KIAA1328: variants seen among roughly 807,000 people sequenced by gnomAD.
KIAA1328 encodes the protein protein hinderin.
A neutral mutation model predicts 68.1 loss-of-function variants in KIAA1328; 52 were observed. The observed-to-expected ratio is 0.76, with a 90% CI of 0.61 to 0.96. The LOEUF (loss-of-function observed/expected upper bound fraction) is 0.96. KIAA1328 is among the 40% of genes least tolerant of loss of function. The pLI, the probability that KIAA1328 is intolerant of heterozygous loss-of-function variation, is 0.00. For synonymous variants in KIAA1328, 232 were observed against 239.4 expected (o/e 0.97, Z 0.28); for missense variants, 641 against 677.6 (o/e 0.95, Z 0.60).
At position 36,990,767 on chromosome 18, in the gene KIAA1328, G is replaced by A. The variant is rs139168350; in HGVS notation, c.576+31332G>A. Among the ~76,000 whole-genome samples the A allele has an allele frequency of 7.9e-5, 12 of 152,034 alleles. No homozygotes were observed. In the East Asian group the frequency reaches 2.3e-3, roughly 29 times the overall value. ...TCCTTGTACATGTAACTTTGAACATGTTTGTGTTTCTGTTTGTTAAATTCC... is the reference window on the plus strand; with the variant it reads ...TCCTTGTACATGTAACTTTGAACATATTTGTGTTTCTGTTTGTTAAATTCC... On this transcript the variant is annotated intron_variant, in intron 6 of 9. Transcript: ENST00000280020.
At chr18:37,067,632 C>G (rs1224889899) in intron 7 of KIAA1328, 87 bp downstream of exon 7, 30 of 1,326,508 alleles carry the variant, frequency 2.3e-5, no homozygotes, top group Non-Finnish European at 2.8e-5. Flanking sequence ...ACAATCTCAG[C>G]TCACTGCAGC....
intron 1 of KIAA1328, among the ~76,000 whole-genome samples, chr18:36,831,969 C>T (rs919864706): frequency 1.4e-4 from 21 of 152,060 alleles, no homozygotes; most frequent in Middle Eastern, 3.2e-3. Flanking sequence ...ACAAATTAAA[C>T]TGTACAATTT....
intron 4 of KIAA1328, among the ~76,000 whole-genome samples, chr18:36,867,386 C>T (rs1207123603): frequency 6.6e-6 from 1 of 152,158 alleles, no homozygotes; most frequent in Non-Finnish European, 1.5e-5. Flanking sequence ...AAGCAGATGC[C>T]AGCACTGTAT....
At chr18:37,084,706 C>A (rs115618497) in intron 7 of KIAA1328, among the ~76,000 whole-genome samples, 444 of 152,110 alleles carry the variant, frequency 2.9e-3, no homozygotes, top group African/African-American at 0.01. Context: ...ATAAATTTTG[C>A]CTTGAAGAAC....
At chr18:36,992,068 A>G (rs1301173565) in intron 6 of KIAA1328, among the ~76,000 whole-genome samples, 1 of 152,174 alleles carries the variant, frequency 6.6e-6, no homozygotes, top group Non-Finnish European at 1.5e-5. Context: ...CCTTTCTGTG[A>G]AATGTCTTTT....
chr18:36,859,536 C>A (rs1470292375), intron 4 of KIAA1328, among the ~76,000 whole-genome samples: 2 of 150,762 alleles, frequency 1.3e-5, no homozygotes, highest in Non-Finnish European at 3.0e-5. Context: ...TCCCTCCCTC[C>A]CTTTTTCCTT....
chr18:36,873,708 C>CT (rs1375143590), intron 4 of KIAA1328, among the ~76,000 whole-genome samples: 2 of 152,118 alleles, frequency 1.3e-5, no homozygotes, highest in Non-Finnish European at 2.9e-5. Flanking sequence ...TTTTATTATA[C>CT]TTTAAGTTCT....
intron 7 of KIAA1328, among the ~76,000 whole-genome samples, chr18:37,129,570 A>G (rs1254376060): frequency 1.3e-5 from 2 of 152,234 alleles, no homozygotes; most frequent in Admixed American, 6.5e-5. Context: ...GAAGGAGTAT[A>G]GGAATAGAGA....
intron 6 of KIAA1328, among the ~76,000 whole-genome samples, chr18:36,997,785 G>A (rs887328932): frequency 1.3e-5 from 2 of 152,196 alleles, no homozygotes; most frequent in Admixed American, 6.5e-5. Context: ...GCCAGTGCTG[G>A]TAAGTGAGCA....
intron 1 of KIAA1328, 187 bp from the exon 2 acceptor site, chr18:36,834,133 A>G: frequency 2.1e-6 from 2 of 953,860 alleles, no homozygotes; most frequent in Non-Finnish European, 2.8e-6. Flanking sequence ...GCTACATTTA[A>G]TTCAATTACT....
intron 6 of KIAA1328, among the ~76,000 whole-genome samples, chr18:37,020,278 A>T (rs375551447): frequency 3.0e-4 from 46 of 152,194 alleles, no homozygotes; most frequent in African/African-American, 9.6e-4. Flanking sequence ...ACATGCCACC[A>T]CGCCTGGCTA....
intron 6 of KIAA1328, among the ~76,000 whole-genome samples, chr18:36,975,444 A>G (rs1450956959): frequency 6.6e-6 from 1 of 152,114 alleles, no homozygotes; most frequent in African/African-American, 2.4e-5. Context: ...GGCCTCCCAA[A>G]GTGCTGGGAT....
intron 6 of KIAA1328, among the ~76,000 whole-genome samples, chr18:36,974,808 T>C (rs1197536639): frequency 6.6e-6 from 1 of 152,208 alleles, no homozygotes; most frequent in Non-Finnish European, 1.5e-5. Context: ...GAAGGATTTT[T>C]CTATTGTTCA....
intron 9 of KIAA1328, among the ~76,000 whole-genome samples, chr18:37,202,438 T>C (rs2060133005): frequency 6.6e-6 from 1 of 152,172 alleles, no homozygotes; most frequent in Non-Finnish European, 1.5e-5. Flanking sequence ...TCTCCAAAGT[T>C]ATCACAAACT....
chr18:36,835,314 G>A lies in KIAA1328; in HGVS notation c.175G>A (p.Val59Met). Residue 59 changes from valine to methionine, a missense_variant, in exon 3 of 10, where the codon GTG (valine) becomes ATG (methionine). Physicochemically the swap from Val to Met is conservative, Grantham distance 21. Coordinates refer to ENST00000280020, the MANE Select transcript of KIAA1328 (RefSeq NM_020776.3). ...TGATGTTAAACTTAAGACTTCCAGGGTGACTGATGCTTCAATCTCCATGGA... is the reference window on the plus strand; with the variant it reads ...TGATGTTAAACTTAAGACTTCCAGGATGACTGATGCTTCAATCTCCATGGA... Reference protein sequence around the residue: ...KADVKLKTSRVTDASISMESL... With the variant: ...KADVKLKTSRMTDASISMESL... The A allele has an allele frequency of 1.2e-6, 2 of 1,613,754 alleles. No individual in the cohort carries two copies. Among genetic ancestry groups the A allele is most frequent in the Non-Finnish European group, 1.7e-6 (2 of 1,179,766 alleles).
chr18:37,164,242 T>C (rs148323567), intron 8 of KIAA1328, among the ~76,000 whole-genome samples: 8 of 152,352 alleles, frequency 5.3e-5, no homozygotes, highest in Non-Finnish European at 1.0e-4. Context: ...AAACATTTGT[T>C]GAATGAATTA....
At chr18:36,864,115 T>G (rs565584685) in intron 4 of KIAA1328, among the ~76,000 whole-genome samples, 2 of 152,306 alleles carry the variant, frequency 1.3e-5, no homozygotes, top group African/African-American at 4.8e-5. Flanking sequence ...ATTCAGCCTA[T>G]CACCATTATT....
At chr18:37,018,472 G>A (rs754881677) in intron 6 of KIAA1328, among the ~76,000 whole-genome samples, 12 of 152,018 alleles carry the variant, frequency 7.9e-5, no homozygotes, top group Non-Finnish European at 1.6e-4. Context: ...GTATCTTCCA[G>A]GTGATCTCTG....
chr18:37,058,994 TTATTA>T (rs1362074810), intron 6 of KIAA1328, among the ~76,000 whole-genome samples: 4 of 152,036 alleles, frequency 2.6e-5, no homozygotes, highest in African/African-American at 7.2e-5. Flanking sequence ...ATTTCTCTGT[TTATTA>T]TATTTCACGT....
Sources: gnomAD v4.1 joint callset for allele counts (sites outside exome capture counted in the v4.1 genomes callset) on GRCh38, gnomAD v4.1.1 for gene constraint, MANE v1.5 for transcripts, NCBI Gene and HGNC (gene_info 2026-07-23, HGNC 2026-07-21) for gene names.